RAD51B: variants seen among roughly 807,000 people sequenced by gnomAD.
The protein encoded by RAD51B is DNA repair protein RAD51 homolog 2.
Under a neutral mutation model 42.2 loss-of-function variants are expected in RAD51B, and 38 were observed. The observed-to-expected ratio is 0.90, with a 90% CI of 0.70 to 1.18. The LOEUF (loss-of-function observed/expected upper bound fraction) is 1.18. Ranked by LOEUF, RAD51B falls within the 50% of genes most tolerant of loss-of-function variation. The pLI, the probability that RAD51B is intolerant of heterozygous loss-of-function variation, is 0.00. For missense variants in RAD51B, 373 were observed against 400.7 expected (o/e 0.93, Z 0.59); for synonymous variants, 154 against 145.2 (o/e 1.06, Z -0.43).
chr14:68,495,507 G>C (rs3784130), intron 10 of RAD51B, among the ~76,000 whole-genome samples: 100,096 of 152,006 alleles, frequency 0.66, 34,126 homozygotes, highest in African/African-American at 0.84. Flanking sequence ...CTCAGGGCTA[G>C]GCTGGAGGGG....
intron 9 of RAD51B, chr14:68,421,687 A>G (rs2084704518): frequency 1.3e-6 from 2 of 1,566,912 alleles, no homozygotes; most frequent in Non-Finnish European, 1.7e-6. Flanking sequence ...AAGATAAAAC[A>G]CAAGTCAAAC....
chr14:67,866,267 A>G (rs533052413), intron 5 of RAD51B, among the ~76,000 whole-genome samples: 3 of 152,320 alleles, frequency 2.0e-5, no homozygotes, highest in Admixed American at 1.3e-4. Flanking sequence ...TAAATGGTTA[A>G]AAAAAAGAAC....
chr14:68,305,953 TTCCTC>T (rs1205682549), intron 8 of RAD51B, among the ~76,000 whole-genome samples: 1 of 152,186 alleles, frequency 6.6e-6, no homozygotes, highest in African/African-American at 2.4e-5. Flanking sequence ...TGCTGCTTGG[TTCCTC>T]TCCTCTCTTC....
At chr14:68,214,634 A>G (rs1327638880) in intron 7 of RAD51B, among the ~76,000 whole-genome samples, 1 of 152,208 alleles carries the variant, frequency 6.6e-6, no homozygotes, top group East Asian at 1.9e-4. Flanking sequence ...GCTATGGTTC[A>G]TCATGTTCTG....
At chr14:68,052,258 G>A (rs1375371725) in intron 7 of RAD51B, among the ~76,000 whole-genome samples, 1 of 152,116 alleles carries the variant, frequency 6.6e-6, no homozygotes, top group African/African-American at 2.4e-5. Flanking sequence ...CCATCAAAGT[G>A]TATTTCTTTG....
At chr14:68,090,716 T>A (rs1163164685) in intron 7 of RAD51B, among the ~76,000 whole-genome samples, 2 of 150,544 alleles carry the variant, frequency 1.3e-5, no homozygotes, top group African/African-American at 2.4e-5. Flanking sequence ...TTATTATTAT[T>A]ATACTTTAAG....
At chr14:68,156,834 CTTTG>C (rs2078522595) in intron 7 of RAD51B, among the ~76,000 whole-genome samples, 1 of 151,892 alleles carries the variant, frequency 6.6e-6, no homozygotes, top group South Asian at 2.1e-4. Flanking sequence ...AAGTGTAAAC[CTTTG>C]TTTGGTATTA....
At chr14:67,895,139 A>G (rs1399342786) in intron 7 of RAD51B, among the ~76,000 whole-genome samples, 1 of 152,238 alleles carries the variant, frequency 6.6e-6, no homozygotes, top group Non-Finnish European at 1.5e-5. Context: ...GGTTAAATTC[A>G]TAAAGCACAT....
chr14:68,619,924 T>G (rs1002070522), intron 10 of RAD51B, among the ~76,000 whole-genome samples: 2 of 152,144 alleles, frequency 1.3e-5, no homozygotes, highest in Non-Finnish European at 2.9e-5. Flanking sequence ...GTCTCCAAGG[T>G]TGATGTTTTT....
chr14:68,244,812 A>T (rs918854875), intron 7 of RAD51B, among the ~76,000 whole-genome samples: 2 of 152,188 alleles, frequency 1.3e-5, no homozygotes, highest in Non-Finnish European at 2.9e-5. Context: ...ATTCCAAGCC[A>T]CGGGGTGGGT....
chr14:68,103,794 T>A (rs1005121882), intron 7 of RAD51B, among the ~76,000 whole-genome samples: 10 of 152,078 alleles, frequency 6.6e-5, no homozygotes, highest in East Asian at 1.9e-4. Flanking sequence ...AAAATTAATT[T>A]AAAAAAACAC....
chr14:67,887,021 G>T lies in RAD51B; in HGVS notation c.573G>T (p.Arg191Ser). The T allele has an allele frequency of 6.8e-7, 1 of 1,464,980 alleles. No homozygotes were observed. Among genetic ancestry groups the T allele is most frequent in the Admixed American group, 2.1e-5 (1 of 47,400 alleles). 90.7% of individuals were successfully genotyped at this position (1,464,980 alleles called of 1,614,324 possible). The change falls in exon 7 of 11, where the codon AGG becomes AGT. Residue 191 changes from arginine to serine, a missense_variant and splice_region_variant. Coordinates refer to ENST00000471583, the MANE Select transcript of RAD51B (RefSeq NM_133510.4). The stretch of plus-strand genomic sequence containing the variant: ...TATTTTATAAATTCTTCTTTTATAG[G>T]ATTGAATCTTTGGAAGAAGAAATTA... ...RELTCDEVLQ[R>S]IESLEEEIIS...
chr14:68,014,007 A>G (rs527685061), intron 7 of RAD51B, among the ~76,000 whole-genome samples: 1 of 152,318 alleles, frequency 6.6e-6, no homozygotes, highest in Middle Eastern at 3.4e-3. Flanking sequence ...TTTTATGAGA[A>G]TAAATACAAT....
intron 7 of RAD51B, among the ~76,000 whole-genome samples, chr14:67,973,381 A>G (rs1028768593): frequency 6.6e-6 from 1 of 152,208 alleles, no homozygotes; most frequent in Admixed American, 6.5e-5. Context: ...AAACTTAAAC[A>G]ATGTTGAAGT....
intron 7 of RAD51B, among the ~76,000 whole-genome samples, chr14:68,272,635 T>TTATATATATATATATATATATATATATA (rs1196934518): frequency 5.0e-5 from 1 of 19,852 alleles, no homozygotes; most frequent in Non-Finnish European, 8.8e-5. Context: ...TATAAACACT[T>TTATATATATATATATATATATATATATA]TATATATATA....
Position 68,410,254 on chromosome 14 carries a change from G to A in RAD51B, c.854-1170G>A, listed in dbSNP as rs138196410. Among the ~76,000 whole-genome samples, 938 of 152,232 alleles carry A rather than the reference G, an allele frequency of 6.2e-3. 4 individuals carry two copies. Among genetic ancestry groups the A allele is most frequent in the Admixed American group, 0.012 (179 of 15,302 alleles). On this transcript the variant is annotated intron_variant, in intron 8 of 10. Coordinates refer to ENST00000471583, the MANE Select transcript of RAD51B (RefSeq NM_133510.4). The stretch of plus-strand genomic sequence containing the variant: ...TGTCTGTTGCAGCATTTGGGCCCAG[G>A]TGCTTAAGGCCATGTGCAGTTAGTA...
chr14:68,600,466 T>G (rs1891173161), downstream of RAD51B, among the ~76,000 whole-genome samples: 1 of 152,110 alleles, frequency 6.6e-6, no homozygotes. Flanking sequence ...CAGCCCTCAT[T>G]ATCCAACAGG....
chr14:68,513,938 G>A (rs1202008745), intron 10 of RAD51B, among the ~76,000 whole-genome samples: 2 of 152,218 alleles, frequency 1.3e-5, no homozygotes, highest in Non-Finnish European at 2.9e-5. Context: ...ATGGCAGGAA[G>A]CTCTGTTGAA....
intron 8 of RAD51B, among the ~76,000 whole-genome samples, chr14:68,405,829 C>CAAAAAAAAAAAAAAAAA (rs10547910): frequency 1.4e-5 from 1 of 71,546 alleles, no homozygotes; most frequent in Non-Finnish European, 3.1e-5. Context: ...AGTTTATCAC[C>CAAAAAAAAAAAAAAAAA]AAAAAAAAAA....
Sources: gnomAD v4.1 joint callset for allele counts (sites outside exome capture counted in the v4.1 genomes callset) on GRCh38, gnomAD v4.1.1 for gene constraint, MANE v1.5 for transcripts, NCBI Gene and HGNC (gene_info 2026-07-23, HGNC 2026-07-21) for gene names.